The following GSE1 variants were observed in gnomAD, a reference collection of about 807,000 sequenced individuals.
GSE1 encodes the protein Gse1 coiled-coil protein.
GSE1 carries 32 observed loss-of-function variants against 112.6 expected under a neutral mutation model. The observed-to-expected ratio is 0.28, with a 90% CI of 0.21 to 0.38. The LOEUF (loss-of-function observed/expected upper bound fraction) is 0.38, where lower values mean the gene tolerates loss of function less well. GSE1 is among the 10% of genes least tolerant of loss of function. GSE1 has a pLI of 1.00. For missense variants in GSE1, 2,348 were observed against 1,699.2 expected (o/e 1.38, Z -6.71); for synonymous variants, 1,115 against 735.6 (o/e 1.52, Z -8.35).
chr16:85,298,977 G>C (rs1474239496), intron 1 of GSE1, among the ~76,000 whole-genome samples: 1 of 152,186 alleles, frequency 6.6e-6, no homozygotes, highest in Admixed American at 6.5e-5. Context: ...TAGGCACACG[G>C]GCCAGCCTGC....
At chr16:85,432,441 G>C (rs904393513) in intron 2 of GSE1, among the ~76,000 whole-genome samples, 1 of 152,238 alleles carries the variant, frequency 6.6e-6, no homozygotes, top group East Asian at 1.9e-4. Flanking sequence ...TTGAAGCTCT[G>C]ACCCAGCCCA....
At chr16:85,428,290 G>T (rs1233004813) in intron 2 of GSE1, among the ~76,000 whole-genome samples, 2 of 152,196 alleles carry the variant, frequency 1.3e-5, no homozygotes, top group African/African-American at 4.8e-5. Flanking sequence ...GGATTCCCTC[G>T]TGCCTTGGTG....
intron 1 of GSE1, among the ~76,000 whole-genome samples, chr16:85,319,403 C>G (rs2046052344): frequency 6.6e-6 from 1 of 152,288 alleles, no homozygotes; most frequent in East Asian, 1.9e-4. Flanking sequence ...GGAGAGACGC[C>G]AGCTCCTGGG....
Position 85,665,135 on chromosome 16 carries a change from GA to G in GSE1, c.2758+9del. Reference sequence around the variant, plus strand: ...CCTGCCGTCTCCCTGAGTGGTAAGGGAAGGATAGCCCCACCTGCCACCACCC... The same window carrying G: ...CCTGCCGTCTCCCTGAGTGGTAAGGGAGGATAGCCCCACCTGCCACCACCC... On this transcript the variant is annotated splice_region_variant and intron_variant, in intron 12 of 15. Coordinates refer to ENST00000253458, the MANE Select transcript of GSE1 (RefSeq NM_014615.5). 1.3e-6 allele frequency: 2 copies of G among 1,556,122 alleles called. No homozygotes were observed. Among genetic ancestry groups the G allele is most frequent in the Non-Finnish European group, 1.8e-6 (2 of 1,128,066 alleles).
At chr16:85,559,981 A>G (rs2045433571) in intron 1 of GSE1, among the ~76,000 whole-genome samples, 1 of 152,206 alleles carries the variant, frequency 6.6e-6, no homozygotes, top group African/African-American at 2.4e-5. Context: ...CAGAATGAGC[A>G]GGTCCACTGA....
intron 1 of GSE1, among the ~76,000 whole-genome samples, chr16:85,217,035 T>C (rs533410200): frequency 1.3e-5 from 2 of 152,164 alleles, no homozygotes; most frequent in African/African-American, 4.8e-5. Context: ...TAGAGGCGAG[T>C]GGCTTGGATT....
At chr16:85,185,081 C>T (rs577439735) in intron 1 of GSE1, 8 of 152,332 alleles carry the variant, frequency 5.3e-5, no homozygotes, top group Non-Finnish European at 8.8e-5. Context: ...AGTCTTTCAT[C>T]GTGGATTTGG....
At chr16:85,636,771 A>T (rs889506) in intron 2 of GSE1, among the ~76,000 whole-genome samples, 1 of 151,932 alleles carries the variant, frequency 6.6e-6, no homozygotes, top group South Asian at 2.1e-4. Flanking sequence ...AGCCCCCCTC[A>T]CCCCTAGCAC....
At chr16:85,227,428 A>C (rs1389035981) in intron 1 of GSE1, among the ~76,000 whole-genome samples, 1 of 152,184 alleles carries the variant, frequency 6.6e-6, no homozygotes, top group East Asian at 1.9e-4. Flanking sequence ...CTTGCAAGGG[A>C]CGAAGTACTT....
rs371338925 is a variant in GSE1, at chr16:85,659,991, G to A, written c.1641-1155G>A. ...TGGGAGGATCTTCATTTCACAGTGG[G>A]TTTGGCTCTGGCTGGGCAGACACTG... On this transcript the variant is annotated intron_variant, in intron 8 of 15. Coordinates refer to ENST00000253458, the MANE Select transcript of GSE1 (RefSeq NM_014615.5). Among the ~76,000 whole-genome samples, 39 of 152,352 alleles carry A rather than the reference G, an allele frequency of 2.6e-4. No individual in the cohort carries two copies. The East Asian group carries it at 6.8e-3, about 26-fold the overall frequency.
intron 2 of GSE1, among the ~76,000 whole-genome samples, chr16:85,491,542 T>G (rs2051010518): frequency 1.3e-5 from 2 of 152,042 alleles, no homozygotes; most frequent in South Asian, 4.2e-4. Context: ...GCAGGGGTGC[T>G]GGGGCGCAGG....
intron 1 of GSE1, among the ~76,000 whole-genome samples, chr16:85,208,292 G>A (rs983666550): frequency 6.6e-6 from 1 of 152,150 alleles, no homozygotes; most frequent in African/African-American, 2.4e-5. Context: ...CCGCCACGTC[G>A]CTGGCGGAAG....
chr16:85,276,339 G>C (rs1909358223), intron 1 of GSE1, among the ~76,000 whole-genome samples: 1 of 30,638 alleles, frequency 3.3e-5, no homozygotes, highest in Non-Finnish European at 1.5e-4. Context: ...AGGACTTCAG[G>C]AAGGTGTGCC....
intron 5 of GSE1, among the ~76,000 whole-genome samples, chr16:85,655,223 C>T (rs1244023535): frequency 6.6e-6 from 1 of 152,182 alleles, no homozygotes; most frequent in Non-Finnish European, 1.5e-5. Flanking sequence ...ATCCTTGGCT[C>T]CTCCCCTTCT....
intron 1 of GSE1, among the ~76,000 whole-genome samples, chr16:85,217,073 T>C (rs992406966): frequency 1.3e-5 from 2 of 152,190 alleles, no homozygotes; most frequent in Admixed American, 6.5e-5. Flanking sequence ...CAGGTAATCC[T>C]GAGATAACCT....
At chr16:85,524,903 C>A (rs982812624) in intron 2 of GSE1, among the ~76,000 whole-genome samples, 1 of 152,140 alleles carries the variant, frequency 6.6e-6, no homozygotes, top group African/African-American at 2.4e-5. Flanking sequence ...CCGAGGCCCC[C>A]GAGGCCATGG....
chr16:85,225,669 C>G (rs1476161433), intron 1 of GSE1, among the ~76,000 whole-genome samples: 1 of 152,202 alleles, frequency 6.6e-6, no homozygotes, highest in African/African-American at 2.4e-5. Context: ...TTTGGCCATT[C>G]TGACACCACT....
rs1401364765 is a variant in GSE1 at position 85,419,196 on chromosome 16, C to T, written c.2464+61553C>T. ...GGGGATTCTGACAGTCAGAGGCTGC[C>T]TTAGTCTCTGCAGGGACAGCAGTGA... is the stretch of plus-strand genomic sequence containing the variant. On this transcript the variant is annotated intron_variant, in intron 2 of 2. Coordinates refer to the GSE1 transcript ENST00000637419. The surrounding 1 kb of genome is among the most constrained non-coding windows in gnomAD (Gnocchi z 6.5). Among the ~76,000 whole-genome samples the T allele has an allele frequency of 1.3e-5, 2 of 152,168 alleles. No individual in the cohort carries two copies. The highest frequency in any genetic ancestry group is 2.4e-5 in the African/African-American group (1 of 41,428).
At chr16:85,633,534 G>T (rs942849563) in intron 1 of GSE1, among the ~76,000 whole-genome samples, 3 of 152,170 alleles carry the variant, frequency 2.0e-5, no homozygotes, top group Admixed American at 1.3e-4. Flanking sequence ...CGGGCCGCAC[G>T]CCTCCTCCGC....
Sources: allele counts gnomAD v4.1 joint callset (sites outside exome capture counted in the v4.1 genomes callset), GRCh38; gene constraint gnomAD v4.1.1; non-coding constraint Gnocchi (gnomAD v3.1); transcripts MANE v1.5; gene names NCBI Gene and HGNC (gene_info 2026-07-23, HGNC 2026-07-21).